The following QRICH1 variants were observed in gnomAD, a reference collection of about 807,000 sequenced individuals.
QRICH1 encodes the protein glutamine rich 1.
In QRICH1, 16 loss-of-function variants were observed where a neutral mutation model predicts 87.1. That is an observed-to-expected ratio of 0.18 (90% confidence interval 0.12 to 0.28). The LOEUF is 0.28. Among genes scored for constraint, QRICH1 ranks in the 10% least tolerant of loss-of-function variants. The pLI is 1.00. For missense variants in QRICH1, 647 were observed against 951.7 expected (o/e 0.68, Z 4.21); for synonymous variants, 367 against 368.4 (o/e 1.00, Z 0.05).
chr3:49,057,109 G>C lies in QRICH1; in HGVS notation c.1091C>G (p.Thr364Ser). 1 of 1,614,194 alleles carries C rather than the reference G, an allele frequency of 6.2e-7. No homozygotes were observed. Among genetic ancestry groups the C allele is most frequent in the Admixed American group, 1.7e-5 (1 of 60,022 alleles). Residue 364 changes from threonine to serine, a missense_variant, in exon 3 of 10, where the codon ACC becomes AGC. By Grantham distance (58) the Thr-to-Ser change is moderately conservative (BLOSUM62 1). Transcript: ENST00000395443. The surrounding 1 kb of genome is among the most constrained non-coding windows in gnomAD (Gnocchi z 5.4). ...LEDDKEKMVG[T>S]TSVVKNSHEE... ...ATGGGAGTTTTTCACTACAGATGTG[G>C]TGCCCACCATCTTCTCCTTGTCATC...
At chr3:49,055,459 A>G (rs2093395645) in intron 3 of QRICH1, among the ~76,000 whole-genome samples, 1 of 152,218 alleles carries the variant, frequency 6.6e-6, no homozygotes, top group Non-Finnish European at 1.5e-5. Flanking sequence ...TAGTAGCCTC[A>G]ACCTCCCAGG....
Position 49,033,165 on chromosome 3 carries a change from T to C in QRICH1, c.1850A>G (p.His617Arg). The C allele has an allele frequency of 6.3e-7, 1 of 1,583,086 alleles. No homozygotes were observed. The highest frequency in any genetic ancestry group is 8.6e-7 in the Non-Finnish European group (1 of 1,166,142). Residue 617 changes from histidine (H) to arginine (R), a missense_variant, in exon 7 of 10, where the codon CAC (histidine) becomes CGC (arginine). His to Arg is a conservative substitution (Grantham distance 29). This residue lies in a region of QRICH1 where 187 missense variants were observed against 309.5 expected (regional missense o/e 0.60). Transcript: ENST00000395443. Reference sequence around the variant, plus strand: ...GGTGGTCAGCAAGGTGGAGGGGGAGTGAGCCCCAAGCTGCTTGCACTCCCA... The same window carrying C: ...GGTGGTCAGCAAGGTGGAGGGGGAGCGAGCCCCAAGCTGCTTGCACTCCCA... ...MLWECKQLGA[H>R]SPSTLLTTLM...
intron 1 of QRICH1, among the ~76,000 whole-genome samples, chr3:49,079,554 T>A (rs2042019346): frequency 6.7e-6 from 1 of 150,314 alleles, no homozygotes; most frequent in Admixed American, 6.6e-5. Context: ...TAATAATAAT[T>A]AAGTGGTCAA....
At chr3:49,077,253 A>G (rs1029610029) in intron 1 of QRICH1, among the ~76,000 whole-genome samples, 18 of 152,176 alleles carry the variant, frequency 1.2e-4, no homozygotes, top group African/African-American at 4.3e-4. Flanking sequence ...CACACTGAAA[A>G]CAAAAAAACA....
At chr3:49,082,000 G>A (rs1195756957) in intron 1 of QRICH1, among the ~76,000 whole-genome samples, 1 of 152,136 alleles carries the variant, frequency 6.6e-6, no homozygotes, top group African/African-American at 2.4e-5. Context: ...TAGAGACAGG[G>A]TATCACCGTG....
chr3:49,043,886 C>T (rs1331793087), intron 6 of QRICH1, among the ~76,000 whole-genome samples: 1 of 152,028 alleles, frequency 6.6e-6, no homozygotes, highest in Non-Finnish European at 1.5e-5. Context: ...ATGCCTATAG[C>T]TCCAGCTACT....
intron 2 of QRICH1, among the ~76,000 whole-genome samples, chr3:49,059,560 C>T (rs987631735): frequency 2.7e-5 from 4 of 150,798 alleles, no homozygotes; most frequent in African/African-American, 9.8e-5. Flanking sequence ...GCTGGGACTA[C>T]AGACGCATGC....
intron 1 of QRICH1, among the ~76,000 whole-genome samples, chr3:49,086,328 C>T (rs1457016973): frequency 1.3e-5 from 2 of 151,302 alleles, no homozygotes; most frequent in Non-Finnish European, 2.9e-5. Flanking sequence ...GCGATCTCGG[C>T]TCACTGTAAG....
intron 1 of QRICH1, among the ~76,000 whole-genome samples, chr3:49,078,049 C>A (rs2041985473): frequency 6.6e-6 from 1 of 152,146 alleles, no homozygotes; most frequent in Admixed American, 6.6e-5. Context: ...CCTTCAACAG[C>A]CCGACCTCCA....
intron 2 of QRICH1, among the ~76,000 whole-genome samples, chr3:49,072,534 A>AT (rs2041862432): frequency 6.6e-6 from 1 of 151,858 alleles, no homozygotes; most frequent in African/African-American, 2.4e-5. Context: ...TCCATTACAA[A>AT]AAAAAAAAAA....
intron 2 of QRICH1, among the ~76,000 whole-genome samples, chr3:49,064,337 T>C (rs1214447261): frequency 3.4e-5 from 5 of 147,932 alleles, no homozygotes; most frequent in Non-Finnish European, 7.4e-5. Context: ...TCTTCCCGGG[T>C]TCAAGCGATT....
At position 49,058,009 on chromosome 3, in the gene QRICH1, A is replaced by G; in HGVS notation, c.310-119T>C. ...CTGCAAAATGTGAGAAAACACTGGC[A>G]TACTCAAGGCTTCTGAGAAGGACAC... On this transcript the variant is annotated intron_variant, in intron 2 of 9. Transcript: ENST00000395443. 3 of 1,539,102 alleles carry G rather than the reference A, an allele frequency of 1.9e-6. No homozygotes were observed. In the Admixed American group the frequency reaches 5.8e-5, roughly 30 times the overall value.
chr3:49,091,641 CGAAG>C (rs1022534604), intron 1 of QRICH1, among the ~76,000 whole-genome samples: 4 of 152,052 alleles, frequency 2.6e-5, no homozygotes, highest in Non-Finnish European at 4.4e-5. Flanking sequence ...AGAGAGGACC[CGAAG>C]GAAGACATCT....
intron 1 of QRICH1, among the ~76,000 whole-genome samples, chr3:49,088,072 C>T (rs1305563686): frequency 6.6e-6 from 1 of 151,514 alleles, no homozygotes; most frequent in Non-Finnish European, 1.5e-5. Flanking sequence ...CTGCCTCAGC[C>T]TCCCAAGTAG....
chr3:49,068,169 A>C (rs2093478875), intron 2 of QRICH1, among the ~76,000 whole-genome samples: 1 of 151,916 alleles, frequency 6.6e-6, no homozygotes. Flanking sequence ...CAGCCTAGGC[A>C]ACATAGCAAC....
At chr3:49,069,292 C>CG (rs1482613340) in intron 2 of QRICH1, among the ~76,000 whole-genome samples, 2 of 150,822 alleles carry the variant, frequency 1.3e-5, no homozygotes, top group Non-Finnish European at 3.0e-5. Flanking sequence ...TTAGTAGAGA[C>CG]GGGGTTTCAC....
chr3:49,089,885 T>C (rs986531276), intron 1 of QRICH1, among the ~76,000 whole-genome samples: 3 of 152,178 alleles, frequency 2.0e-5, no homozygotes, highest in African/African-American at 7.2e-5. Context: ...CCACGAAGGG[T>C]TCAGAGATAC....
chr3:49,068,373 C>T (rs2093480098), intron 2 of QRICH1, among the ~76,000 whole-genome samples: 1 of 151,632 alleles, frequency 6.6e-6, no homozygotes, highest in Non-Finnish European at 1.5e-5. Flanking sequence ...GGGAGGATCC[C>T]TTAAGCATGG....
intron 1 of QRICH1, among the ~76,000 whole-genome samples, chr3:49,085,619 G>A (rs913655676): frequency 4.6e-5 from 7 of 151,984 alleles, no homozygotes; most frequent in African/African-American, 1.7e-4. Flanking sequence ...TTAGCCAGGT[G>A]TGGTGACACG....
Sources: gnomAD v4.1 joint callset for allele counts (sites outside exome capture counted in the v4.1 genomes callset) on GRCh38, gnomAD v4.1.1 for gene constraint, gnomAD v4.1.1 regional missense constraint, Gnocchi (gnomAD v3.1) non-coding constraint, MANE v1.5 for transcripts, NCBI Gene and HGNC (gene_info 2026-07-23, HGNC 2026-07-21) for gene names.